RAD18: variants seen among roughly 807,000 people sequenced by gnomAD.
RAD18 encodes E3 ubiquitin-protein ligase RAD18.
RAD18 carries 47 observed loss-of-function variants against 60.4 expected under a neutral mutation model. The observed-to-expected ratio is 0.78, with a 90% confidence interval of 0.62 to 0.99. The LOEUF (loss-of-function observed/expected upper bound fraction) is 0.99. Ranked by LOEUF, RAD18 falls within the 50% of genes least tolerant of loss-of-function variation. The pLI is 0.00. For missense variants in RAD18, 640 were observed against 593.3 expected (o/e 1.08, Z -0.82); for synonymous variants, 225 against 195.5 (o/e 1.15, Z -1.26).
chr3:8,929,478 G>GGCTATA (rs1665846120), intron 7 of RAD18, among the ~76,000 whole-genome samples: 1 of 152,024 alleles, frequency 6.6e-6, no homozygotes, highest in African/African-American at 2.4e-5. Context: ...AGAACCCTCT[G>GGCTATA]GCTATAGATT....
At chr3:8,900,831 C>T (rs1457077910) in intron 10 of RAD18, among the ~76,000 whole-genome samples, 1 of 152,096 alleles carries the variant, frequency 6.6e-6, no homozygotes, top group Non-Finnish European at 1.5e-5. Context: ...TCATGCACAG[C>T]AATCTAAAAG....
intron 7 of RAD18, among the ~76,000 whole-genome samples, chr3:8,930,914 T>A (rs919623501): frequency 2.0e-5 from 3 of 152,132 alleles, no homozygotes; most frequent in Admixed American, 2.0e-4. Flanking sequence ...AAGTCAGAGA[T>A]CCTTTCTTAA....
intron 7 of RAD18, among the ~76,000 whole-genome samples, chr3:8,924,915 G>GTAGGGGGAAATTTA (rs980598648): frequency 2.0e-5 from 3 of 152,004 alleles, no homozygotes; most frequent in Non-Finnish European, 2.9e-5. Flanking sequence ...AAAGCAGTGT[G>GTAGGGGGAAATTTA]TAGGGGGAAA....
At chr3:8,963,202 C>A in intron 1 of RAD18, 133 bp downstream of exon 1, 1 of 1,012,674 alleles carries the variant, frequency 9.9e-7, no homozygotes, top group Non-Finnish European at 1.4e-6. Context: ...AGTGGCAGGG[C>A]AGAGCCGGAT....
chr3:8,939,691 T>C (rs1317992522), intron 5 of RAD18, 38 bp from the exon 6 acceptor site: 2 of 1,553,218 alleles, frequency 1.3e-6, no homozygotes, highest in Non-Finnish European at 8.8e-7. Context: ...ACTTTATTAA[T>C]TGTAGAAGGG....
At chr3:8,938,715 G>A (rs945212318) in intron 6 of RAD18, among the ~76,000 whole-genome samples, 1 of 152,080 alleles carries the variant, frequency 6.6e-6, no homozygotes, top group African/African-American at 2.4e-5. Context: ...GAGACTGAAG[G>A]CTTAAACTCC....
chr3:8,901,691 T>C (rs2125050923), intron 10 of RAD18, among the ~76,000 whole-genome samples: 1 of 152,302 alleles, frequency 6.6e-6, no homozygotes, highest in Non-Finnish European at 1.5e-5. Context: ...AAGTTTGTGC[T>C]GGGAATGATG....
chr3:8,940,906 A>C (rs1270342898), intron 5 of RAD18, among the ~76,000 whole-genome samples: 1 of 152,188 alleles, frequency 6.6e-6, no homozygotes, highest in African/African-American at 2.4e-5. Context: ...GTCACAGAGA[A>C]TAGGGTGGGT....
chr3:8,904,699 CT>C (rs1939973443), intron 9 of RAD18, among the ~76,000 whole-genome samples: 1 of 152,134 alleles, frequency 6.6e-6, no homozygotes, highest in South Asian at 2.1e-4. Context: ...AATCAATGGG[CT>C]AACACTACCA....
In RAD18 at chr3:8,877,309, G is replaced by C. The variant is rs1487436897; in HGVS notation, c.*4048C>G. On this transcript the variant is annotated 3_prime_UTR_variant, in exon 13 of 13. Transcript: ENST00000264926. The stretch of plus-strand genomic sequence containing the variant: ...CTGCTCTCTGCTTCCAAGATGGTGT[G>C]TTGTTGCTGAGTCCTCCAGAGGGAA... The C allele has an allele frequency of 6.5e-6, 1 of 153,428 alleles. No individual in the cohort carries two copies. The highest frequency in any genetic ancestry group is 1.5e-5 in the Non-Finnish European group (1 of 68,618). 9.5% of individuals were successfully genotyped at this position (153,428 alleles called of 1,614,324 possible). A position where few individuals can be genotyped will look rare whatever the true frequency, so the allele number is the denominator to read the frequency against.
At chr3:8,918,721 G>C (rs1247882043) in intron 7 of RAD18, among the ~76,000 whole-genome samples, 1 of 152,188 alleles carries the variant, frequency 6.6e-6, no homozygotes, top group African/African-American at 2.4e-5. Flanking sequence ...GACTGAAAAA[G>C]AGGGTACCCA....
At chr3:8,933,500 A>T (rs1940595500) in intron 7 of RAD18, among the ~76,000 whole-genome samples, 1 of 152,222 alleles carries the variant, frequency 6.6e-6, no homozygotes, top group Non-Finnish European at 1.5e-5. Flanking sequence ...ACATACAAAA[A>T]GCGACAAGCC....
At chr3:8,920,210 C>T (rs45551635) in intron 7 of RAD18, among the ~76,000 whole-genome samples, 9,154 of 142,404 alleles carry the variant, frequency 0.064, 895 homozygotes, top group African/African-American at 0.22. Context: ...ACCTGGGAGG[C>T]GGAGCTTGCA....
At chr3:8,904,389 C>T (rs533589549) in intron 9 of RAD18, among the ~76,000 whole-genome samples, 50 of 152,234 alleles carry the variant, frequency 3.3e-4, no homozygotes, top group African/African-American at 1.1e-3. Flanking sequence ...TTGACAGGCA[C>T]AGCAAAGACA....
At chr3:8,939,741 T>G in intron 5 of RAD18, 88 bp from the exon 6 acceptor site, 1 of 1,096,192 alleles carries the variant, frequency 9.1e-7, no homozygotes, top group Non-Finnish European at 1.3e-6. Context: ...GCAAGTAAAG[T>G]AAAAAAGAAT....
chr3:8,894,759 C>CTTTTTTTTTTT (rs71625397), intron 11 of RAD18, among the ~76,000 whole-genome samples: 6 of 120,778 alleles, frequency 5.0e-5, no homozygotes, highest in African/African-American at 1.4e-4. Flanking sequence ...AGTTTAAGCG[C>CTTTTTTTTTTT]TTTTTTTTTT....
intron 7 of RAD18, among the ~76,000 whole-genome samples, chr3:8,919,605 T>C (rs980771229): frequency 3.9e-5 from 6 of 152,252 alleles, no homozygotes; most frequent in Admixed American, 6.5e-5. Flanking sequence ...TGTATCCACG[T>C]GTGCGTATGT....
At chr3:8,889,548 G>A (rs140853171) in intron 12 of RAD18, among the ~76,000 whole-genome samples, 120 of 152,286 alleles carry the variant, frequency 7.9e-4, no homozygotes, top group African/African-American at 2.6e-3. Context: ...GATCCAGGAA[G>A]AACTTGAGCT....
chr3:8,963,467 C>T lies in RAD18; in HGVS notation c.-82G>A. 7.4e-7 allele frequency: 1 copy of T among 1,344,034 alleles called. No individual in the cohort carries two copies. The highest frequency in any genetic ancestry group is 1.0e-6 in the Non-Finnish European group (1 of 976,352). The allele number at this position is 1,344,034 out of a possible 1,614,324, so 83.3% of individuals were successfully genotyped here. On this transcript the variant is annotated 5_prime_UTR_variant, in exon 1 of 13. The change abolishes an upstream ATG in the 5' untranslated region. Transcript: ENST00000264926. ...CCACTCGAAATTCCCCGCGCTACCGCATTACGTCAGCAGCCCGCGACGCGC... is the reference window on the plus strand; with the variant it reads ...CCACTCGAAATTCCCCGCGCTACCGTATTACGTCAGCAGCCCGCGACGCGC...
Sources: allele counts gnomAD v4.1 joint callset (sites outside exome capture counted in the v4.1 genomes callset), GRCh38; gene constraint gnomAD v4.1.1; transcripts MANE v1.5; gene names NCBI Gene and HGNC (gene_info 2026-07-23, HGNC 2026-07-21).